RYR1: variants seen among roughly 807,000 people sequenced by gnomAD.
The protein encoded by RYR1 is central core disease of muscle.
A neutral mutation model predicts 583.5 loss-of-function variants in RYR1; 342 were observed. That is an observed-to-expected ratio of 0.59 (90% CI 0.54 to 0.64). RYR1 has a LOEUF of 0.64. Ranked by LOEUF, RYR1 falls within the 30% of genes least tolerant of loss-of-function variation. RYR1 has a pLI of 0.00. For synonymous variants in RYR1, 2,791 were observed against 2,822.5 expected (o/e 0.99, Z 0.35); for missense variants, 6,032 against 6,917.2 (o/e 0.87, Z 4.54).
intron 31 of RYR1, among the ~76,000 whole-genome samples, chr19:38,481,461 A>C (rs1969005663): frequency 6.6e-6 from 1 of 152,162 alleles, no homozygotes; most frequent in Admixed American, 6.5e-5. Flanking sequence ...CATATATTTT[A>C]GGTGGTTGCT....
chr19:38,504,843 T>C lies in RYR1; in HGVS notation c.8163T>C (p.Ser2721=). The C allele has an allele frequency of 6.2e-7, 1 of 1,614,186 alleles. No homozygotes were observed. The highest frequency in any genetic ancestry group is 8.5e-7 in the Non-Finnish European group (1 of 1,180,012). Residue 2721 remains serine (S), a synonymous_variant, in exon 51 of 106, where the codon TCT becomes TCC. Coordinates refer to ENST00000359596, the MANE Select transcript of RYR1 (RefSeq NM_000540.3). Reference sequence around the variant, plus strand: ...ACTATGTGGATGCCTCATACTCATCTAAGGCAGAGAAAAAGGCCACAGTGG... The same window carrying C: ...ACTATGTGGATGCCTCATACTCATCCAAGGCAGAGAAAAAGGCCACAGTGG... ...PPDYVDASYS[S]KAEKKATVDA... is the part of the protein sequence containing the mutation.
In RYR1 at chr19:38,520,624, G is replaced by C. The variant is rs944486705; in HGVS notation, c.10259+1170G>C. On this transcript the variant is annotated intron_variant, in intron 67 of 105. Coordinates refer to ENST00000359596, the MANE Select transcript of RYR1 (RefSeq NM_000540.3). ...GCAGGAGAATCGCCTGAGCCTGGGAGGCAGAGGTTGCACTGAGCTGAGATC... is the reference window on the plus strand; with the variant it reads ...GCAGGAGAATCGCCTGAGCCTGGGACGCAGAGGTTGCACTGAGCTGAGATC... Among the ~76,000 whole-genome samples, 4 of 149,680 alleles carry C rather than the reference G, an allele frequency of 2.7e-5. No homozygotes were observed. In the Admixed American group the frequency reaches 2.7e-4, roughly 10 times the overall value.
At chr19:38,493,043 T>C (rs1179264351) in intron 38 of RYR1, among the ~76,000 whole-genome samples, 1 of 151,498 alleles carries the variant, frequency 6.6e-6, no homozygotes, top group Non-Finnish European at 1.5e-5. Flanking sequence ...CACTCCAGCC[T>C]GGGTGACAGA....
intron 66 of RYR1, among the ~76,000 whole-genome samples, chr19:38,518,401 TAAAAAAA>T (rs10714494): frequency 1.5e-3 from 168 of 113,804 alleles, no homozygotes; most frequent in Middle Eastern, 4.7e-3. Context: ...CTCTATTATT[TAAAAAAA>T]AAAAAAAAAA....
At position 38,543,803 on chromosome 19, in the gene RYR1, G is replaced by A. The variant is rs750022861; in HGVS notation, c.11940G>A (p.Ala3980=). 2.5e-6 allele frequency: 4 copies of A among 1,613,588 alleles called. No homozygotes were observed. The highest frequency in any genetic ancestry group is 1.3e-5 in the African/African-American group (1 of 74,928). ...GCACCGGGAACCAGCAGAGCCTGGCGCACAGTCGCCTATGGGACGCAGTGG... is the reference window on the plus strand; with the variant it reads ...GCACCGGGAACCAGCAGAGCCTGGCACACAGTCGCCTATGGGACGCAGTGG... ...GPCTGNQQSL[A]HSRLWDAVVG... The change falls in exon 87 of 106, where the codon GCG becomes GCA. Residue 3980 remains alanine (A), a synonymous_variant. Transcript: ENST00000359596. The surrounding 1 kb of genome is among the most constrained non-coding windows in gnomAD (Gnocchi z 4.4).
intron 47 of RYR1, 35 bp downstream of exon 47, chr19:38,501,025 A>T: frequency 6.2e-7 from 1 of 1,605,588 alleles, no homozygotes; most frequent in Non-Finnish European, 8.5e-7. Flanking sequence ...CACCCTCCCC[A>T]CTTCCACAGA....
chr19:38,573,339 G>A, intron 96 of RYR1, 32 bp downstream of exon 96: 2 of 1,608,870 alleles, frequency 1.2e-6, no homozygotes, highest in Non-Finnish European at 8.5e-7. Flanking sequence ...CAGGGTGGCA[G>A]CAGGAGGGGA....
intron 15 of RYR1, 25 bp downstream of exon 15, chr19:38,455,571 CAGAG>C: frequency 1.9e-6 from 3 of 1,613,218 alleles, no homozygotes; most frequent in Non-Finnish European, 2.5e-6. Flanking sequence ...GGGAGTGGGA[CAGAG>C]GCTTGTGGGA....
intron 67 of RYR1, 119 bp from the exon 68 acceptor site, chr19:38,522,909 C>G: frequency 1.2e-6 from 1 of 834,864 alleles, no homozygotes; most frequent in Non-Finnish European, 2.0e-6. Context: ...ACCCTAGAAA[C>G]CCCATCCCTC....
chr19:38,568,295 A>G (rs964538017), intron 93 of RYR1, among the ~76,000 whole-genome samples: 1 of 151,030 alleles, frequency 6.6e-6, no homozygotes, highest in Non-Finnish European at 1.5e-5. Context: ...TCCCTCCACC[A>G]CTCCCAGTGC....
In RYR1 at chr19:38,512,311, G is replaced by A. The variant is rs762145186; in HGVS notation, c.9300G>A (p.Ser3100=). 17 of 1,614,228 alleles carry A rather than the reference G, an allele frequency of 1.1e-5. No homozygotes were observed. In the South Asian group the frequency reaches 1.2e-4, roughly 11 times the overall value. Residue 3100 remains serine (S), a synonymous_variant, in exon 63 of 106, where the codon TCG becomes TCA. Coordinates refer to ENST00000359596, the MANE Select transcript of RYR1 (RefSeq NM_000540.3). The surrounding 1 kb of genome is among the most constrained non-coding windows in gnomAD (Gnocchi z 5.1). ...AGLRSFFESA[S]EDIEKMVENL... ...TCCGCTCCTTCTTCGAGAGTGCCTC[G>A]GAGGACATCGAGAAGATGGTGGAGA...
intron 89 of RYR1, among the ~76,000 whole-genome samples, chr19:38,553,476 T>C (rs1972752426): frequency 6.9e-6 from 1 of 144,168 alleles, no homozygotes; most frequent in Admixed American, 7.1e-5. Flanking sequence ...AAGACCCCAT[T>C]GCTAAAAAAA....
intron 58 of RYR1, among the ~76,000 whole-genome samples, chr19:38,510,061 G>A (rs1970657871): frequency 6.6e-6 from 1 of 152,158 alleles, no homozygotes; most frequent in South Asian, 2.1e-4. Flanking sequence ...TGATCAAGAA[G>A]TTGGGGGAAA....
At chr19:38,452,346 AAGG>A (rs370426795) in intron 12 of RYR1, among the ~76,000 whole-genome samples, 280 of 152,002 alleles carry the variant, frequency 1.8e-3, no homozygotes, top group African/African-American at 6.6e-3. Context: ...GAAGCTGAGG[AAGG>A]AGGATTGCTT....
intron 76 of RYR1, among the ~76,000 whole-genome samples, chr19:38,532,104 C>T (rs1042896690): frequency 2.0e-5 from 3 of 150,974 alleles, no homozygotes; most frequent in Non-Finnish European, 1.5e-5. Flanking sequence ...GTTGGCCCTC[C>T]AAAGAAAACC....
intron 8 of RYR1, 50 bp from the exon 9 acceptor site, chr19:38,446,644 C>T (rs1485341438): frequency 7.5e-6 from 12 of 1,604,488 alleles, no homozygotes; most frequent in South Asian, 2.2e-5. Flanking sequence ...GATTAGGGAC[C>T]AGATTCCGGG....
intron 99 of RYR1, 40 bp from the exon 100 acceptor site, chr19:38,579,942 C>CCCTG: frequency 6.2e-7 from 1 of 1,613,820 alleles, no homozygotes; most frequent in Non-Finnish European, 8.5e-7. Context: ...CCTCGTGTGT[C>CCCTG]CCTGCCTTCC....
At chr19:38,536,631 CTCTGTG>C in intron 82 of RYR1, 113 bp from the exon 83 acceptor site, 1 of 1,184,314 alleles carries the variant, frequency 8.4e-7, no homozygotes, top group Non-Finnish European at 1.2e-6. Context: ...GTTCCTCTCT[CTCTGTG>C]TGTCTTTCTG....
In RYR1 at chr19:38,496,422, C is replaced by G; in HGVS notation, c.6677C>G (p.Pro2226Arg). The change falls in exon 41 of 106, where the codon CCC becomes CGC. Residue 2226 changes from proline (P) to arginine (R), a missense_variant. Physicochemically the swap from Pro to Arg is moderately radical, Grantham distance 103. Transcript: ENST00000359596. This position sits in a 1 kb window ranked among gnomAD's most constrained non-coding sequence, Gnocchi z 4.8. ...GGGESKEIRF[P>R]KMVTSCCRFL... ...TGCCTGTCCCAGGAGATCCGCTTCCCCAAGATGGTGACAAGCTGCTGCCGC... is the reference window on the plus strand; with the variant it reads ...TGCCTGTCCCAGGAGATCCGCTTCCGCAAGATGGTGACAAGCTGCTGCCGC... 2.5e-6 allele frequency: 4 copies of G among 1,613,856 alleles called. No individual in the cohort carries two copies. Among genetic ancestry groups the G allele is most frequent in the Non-Finnish European group, 3.4e-6 (4 of 1,180,030 alleles).
Sources: allele counts gnomAD v4.1 joint callset (sites outside exome capture counted in the v4.1 genomes callset), GRCh38; gene constraint gnomAD v4.1.1; non-coding constraint Gnocchi (gnomAD v3.1); transcripts MANE v1.5; gene names NCBI Gene and HGNC (gene_info 2026-07-23, HGNC 2026-07-21).